ADAMTSL1: variants seen among roughly 807,000 people sequenced by gnomAD.
ADAMTSL1 encodes ADAMTS like 1.
ADAMTSL1 carries 126 observed loss-of-function variants against 201.8 expected under a neutral mutation model. The ratio of observed to expected loss-of-function variants is 0.62; its 90% CI spans 0.54 to 0.72. The LOEUF is 0.72. ADAMTSL1 is among the 30% of genes least tolerant of loss of function. The pLI is 0.00. For missense variants in ADAMTSL1, 2,679 were observed against 2,277.8 expected (o/e 1.18, Z -3.59); for synonymous variants, 1,121 against 903.4 (o/e 1.24, Z -4.32).
At chr9:18,209,856 G>A (rs1829797759) in intron 2 of ADAMTSL1, among the ~76,000 whole-genome samples, 1 of 152,068 alleles carries the variant, frequency 6.6e-6, no homozygotes, top group South Asian at 2.1e-4. Flanking sequence ...CTTGCCTGTA[G>A]ACAGTGAAAA....
chr9:18,010,876 G>A (rs1820023699), intron 1 of ADAMTSL1, among the ~76,000 whole-genome samples: 1 of 151,940 alleles, frequency 6.6e-6, no homozygotes, highest in Admixed American at 6.6e-5. Context: ...TGTGATCACT[G>A]TATCCTGATA....
At chr9:18,383,773 C>T (rs1322120225) in intron 2 of ADAMTSL1, among the ~76,000 whole-genome samples, 3 of 152,124 alleles carry the variant, frequency 2.0e-5, no homozygotes, top group East Asian at 3.8e-4. Context: ...AACTTGAGGG[C>T]CTGTGACGAG....
chr9:18,837,028 G>C (rs926713734), intron 23 of ADAMTSL1, among the ~76,000 whole-genome samples: 1 of 152,090 alleles, frequency 6.6e-6, no homozygotes, highest in African/African-American at 2.4e-5. Flanking sequence ...GGGTTTTCTA[G>C]ATGTATAATC....
chr9:18,843,094 T>G (rs558421362), intron 23 of ADAMTSL1, among the ~76,000 whole-genome samples: 1 of 151,492 alleles, frequency 6.6e-6, no homozygotes, highest in African/African-American at 2.5e-5. Flanking sequence ...TAGCTGGTTA[T>G]TTTGCTCGTT....
intron 2 of ADAMTSL1, among the ~76,000 whole-genome samples, chr9:18,213,531 C>T (rs1829957024): frequency 6.6e-6 from 1 of 152,184 alleles, no homozygotes; most frequent in Admixed American, 6.5e-5. Flanking sequence ...TATTAGTGAG[C>T]TCACACTAAA....
intron 15 of ADAMTSL1, among the ~76,000 whole-genome samples, chr9:18,736,864 C>T (rs117787838): frequency 5.8e-4 from 89 of 152,320 alleles, no homozygotes; most frequent in Non-Finnish European, 1.2e-3. Flanking sequence ...ACATTTATGC[C>T]ATTTCCATAA....
At position 18,803,578 on chromosome 9, in the gene ADAMTSL1, C is replaced by T. The variant is rs982000561; in HGVS notation, c.3805+8054C>T. Among the ~76,000 whole-genome samples the T allele has an allele frequency of 3.3e-5, 5 of 152,300 alleles. No individual in the cohort carries two copies. The South Asian group carries it at 1.0e-3, about 32-fold the overall frequency. The stretch of plus-strand genomic sequence containing the variant: ...GCCCACCTGTCTGAAGGGCACAGCT[C>T]ATTTTCATCTGACTGCTATCCCCCA... On this transcript the variant is annotated intron_variant, in intron 20 of 28. Coordinates refer to ENST00000380548, the MANE Select transcript of ADAMTSL1 (RefSeq NM_001040272.6).
chr9:18,018,421 C>T (rs548247522), intron 1 of ADAMTSL1, among the ~76,000 whole-genome samples: 52 of 152,166 alleles, frequency 3.4e-4, no homozygotes, highest in African/African-American at 1.2e-3. Flanking sequence ...TTTATGGACT[C>T]CTTTTGAATG....
intron 1 of ADAMTSL1, among the ~76,000 whole-genome samples, chr9:18,095,358 G>T (rs1346001842): frequency 6.6e-6 from 1 of 151,312 alleles, no homozygotes; most frequent in Non-Finnish European, 1.5e-5. Flanking sequence ...ATTGGCCAGG[G>T]AATGACTCAT....
intron 2 of ADAMTSL1, among the ~76,000 whole-genome samples, chr9:18,521,900 C>T (rs1818719539): frequency 6.6e-6 from 1 of 152,178 alleles, no homozygotes; most frequent in African/African-American, 2.4e-5. Flanking sequence ...TCTAACTCCT[C>T]TTTCTCTCCC....
At chr9:18,557,915 AT>A (rs776646384) in intron 3 of ADAMTSL1, among the ~76,000 whole-genome samples, 17 of 152,068 alleles carry the variant, frequency 1.1e-4, no homozygotes, top group Non-Finnish European at 1.9e-4. Flanking sequence ...GTAATTATAT[AT>A]AATTAAAAAG....
At chr9:18,363,894 A>G (rs1836642002) in intron 2 of ADAMTSL1, among the ~76,000 whole-genome samples, 1 of 151,244 alleles carries the variant, frequency 6.6e-6, no homozygotes, top group South Asian at 2.1e-4. Flanking sequence ...AACCCTTGAT[A>G]GAGGAGAAGC....
chr9:18,277,493 C>T (rs1020498419), intron 2 of ADAMTSL1, among the ~76,000 whole-genome samples: 4 of 152,030 alleles, frequency 2.6e-5, no homozygotes, highest in African/African-American at 7.2e-5. Context: ...TTTATATTGT[C>T]TTGATGAGTT....
At chr9:18,614,812 C>T (rs1043548417) in intron 4 of ADAMTSL1, among the ~76,000 whole-genome samples, 8 of 152,190 alleles carry the variant, frequency 5.3e-5, no homozygotes, top group African/African-American at 1.7e-4. Context: ...ATGTGTTACT[C>T]CTCCCAAGGG....
chr9:18,483,238 C>G (rs1821818359), intron 1 of ADAMTSL1, among the ~76,000 whole-genome samples: 1 of 152,110 alleles, frequency 6.6e-6, no homozygotes, highest in South Asian at 2.1e-4. Context: ...CCTATTCCAG[C>G]CCTTTCATTT....
intron 15 of ADAMTSL1, among the ~76,000 whole-genome samples, chr9:18,749,212 T>C (rs1363280020): frequency 1.3e-5 from 2 of 152,038 alleles, no homozygotes; most frequent in Non-Finnish European, 2.9e-5. Context: ...GAGACACAGG[T>C]CAACACATAA....
At chr9:18,142,924 G>A (rs963963047) in intron 1 of ADAMTSL1, among the ~76,000 whole-genome samples, 3 of 152,262 alleles carry the variant, frequency 2.0e-5, no homozygotes, top group African/African-American at 4.8e-5. Flanking sequence ...ACACCGGGGG[G>A]TAATGCTTAC....
At chr9:18,325,325 G>T (rs1834787848) in intron 2 of ADAMTSL1, among the ~76,000 whole-genome samples, 1 of 152,204 alleles carries the variant, frequency 6.6e-6, no homozygotes, top group Non-Finnish European at 1.5e-5. Context: ...CCAGCCTAAT[G>T]TTGGAATCAC....
chr9:18,246,136 C>T (rs561356806), intron 2 of ADAMTSL1, among the ~76,000 whole-genome samples: 4 of 152,106 alleles, frequency 2.6e-5, no homozygotes, highest in African/African-American at 9.7e-5. Context: ...TTTTTAATAA[C>T]CGTGTCATCC....
Sources: gnomAD v4.1 joint callset for allele counts (sites outside exome capture counted in the v4.1 genomes callset) on GRCh38, gnomAD v4.1.1 for gene constraint, MANE v1.5 for transcripts, NCBI Gene and HGNC (gene_info 2026-07-23, HGNC 2026-07-21) for gene names.